KCNT1: variants seen among roughly 807,000 people sequenced by gnomAD.
The protein encoded by KCNT1 is potassium channel subfamily T member 1.
Under a neutral mutation model 147.8 loss-of-function variants are expected in KCNT1, and 78 were observed. That is an observed-to-expected ratio of 0.53 (90% CI 0.44 to 0.64). The LOEUF (loss-of-function observed/expected upper bound fraction) is 0.64. Ranked by LOEUF, KCNT1 falls within the 30% of genes least tolerant of loss-of-function variation. The probability of loss-of-function intolerance (pLI) is 0.00; values close to 1 mark genes in which losing one functional copy is unlikely to be tolerated. For synonymous variants in KCNT1, 867 were observed against 748.8 expected, an observed-to-expected ratio of 1.16 and a Z score of -2.58; for missense variants, 1,419 against 1,750.3, an observed-to-expected ratio of 0.81 and a Z score of 3.38.
chr9:135,764,422 G>A (rs369115515), intron 11 of KCNT1, among the ~76,000 whole-genome samples: 163 of 152,268 alleles, frequency 1.1e-3, no homozygotes, highest in African/African-American at 3.4e-3. Context: ...ATTGCACCAC[G>A]GCACTCCAGC....
At chr9:135,762,784 C>T (rs1832000758) in intron 11 of KCNT1, among the ~76,000 whole-genome samples, 1 of 152,188 alleles carries the variant, frequency 6.6e-6, no homozygotes, top group Non-Finnish European at 1.5e-5. Context: ...CAAGGTGACT[C>T]CAGGTGCACC....
At chr9:135,743,010 C>G (rs1187482017) in intron 2 of KCNT1, among the ~76,000 whole-genome samples, 2 of 152,136 alleles carry the variant, frequency 1.3e-5, no homozygotes, top group Non-Finnish European at 2.9e-5. Flanking sequence ...AGTGTGCCCC[C>G]TTGGAGAGGA....
intron 2 of KCNT1, among the ~76,000 whole-genome samples, chr9:135,740,024 G>A (rs1026719659): frequency 5.9e-5 from 9 of 152,068 alleles, no homozygotes; most frequent in African/African-American, 1.9e-4. Context: ...CCCTTGGCTC[G>A]TAGACACCAT....
intron 13 of KCNT1, 92 bp from the exon 14 acceptor site, chr9:135,768,518 C>T (rs1832492770): frequency 5.4e-6 from 5 of 926,898 alleles, no homozygotes; most frequent in Non-Finnish European, 8.4e-6. Flanking sequence ...AGCCTCCTCC[C>T]AGAGGAGGTC....
rs537124614 is a variant in KCNT1, at chr9:135,742,425, G to A, written c.255-7673G>A. The stretch of plus-strand genomic sequence containing the variant: ...AAGGGTGGCCCTCTCCTCGAGTGTG[G>A]TTGTCACCCCCCCATCTGGCCCAGG... On this transcript the variant is annotated intron_variant, in intron 2 of 30. Transcript: ENST00000371757. Among the ~76,000 whole-genome samples, 320 of 152,320 alleles carry A rather than the reference G, an allele frequency of 2.1e-3. 1 individual carries two copies. The highest frequency in any genetic ancestry group is 7.3e-3 in the African/African-American group (305 of 41,578).
intron 22 of KCNT1, 96 bp downstream of exon 22, chr9:135,778,591 G>A (rs1260411555): frequency 1.7e-5 from 27 of 1,600,750 alleles, no homozygotes; most frequent in African/African-American, 4.0e-5. Context: ...GGTGGGGTGG[G>A]GGGCTGAGGT....
chr9:135,777,191 C>T (rs1364206002), intron 20 of KCNT1, 147 bp from the exon 21 acceptor site: 9 of 774,226 alleles, frequency 1.2e-5, no homozygotes, highest in African/African-American at 3.5e-5. Flanking sequence ...TCCCCACAGG[C>T]GTGTGCAGGC....
At chr9:135,743,553 A>G (rs1459936750) in intron 2 of KCNT1, among the ~76,000 whole-genome samples, 1 of 152,176 alleles carries the variant, frequency 6.6e-6, no homozygotes, top group African/African-American at 2.4e-5. Context: ...CCGGACCTCT[A>G]TCTTCCCAGC....
intron 18 of KCNT1, 143 bp downstream of exon 18, chr9:135,771,238 A>G: frequency 1.3e-6 from 1 of 740,922 alleles, no homozygotes; most frequent in African/African-American, 1.8e-5. Context: ...ACCAGGCAGG[A>G]CAGGGGCAGG....
intron 19 of KCNT1, among the ~76,000 whole-genome samples, chr9:135,774,889 C>G (rs943119878): frequency 6.6e-6 from 1 of 152,120 alleles, no homozygotes; most frequent in African/African-American, 2.4e-5. Flanking sequence ...AGTGAGGGCC[C>G]TACCCACCCC....
rs559843478 is a variant in KCNT1 at position 135,760,427 on chromosome 9, C to G, written c.1035+568C>G. On this transcript the variant is annotated intron_variant, in intron 11 of 30. Transcript: ENST00000371757. ...ACCTCCTCCAGGCACCCCAGCCCAC[C>G]CTGGAGGGACCCTGCTATTGGGGAG... Among the ~76,000 whole-genome samples the G allele has an allele frequency of 5.1e-4, 78 of 152,316 alleles. No individual in the cohort carries two copies. The Middle Eastern group carries it at 0.017, about 33-fold the overall frequency.
chr9:135,743,608 C>T (rs1040010385), intron 2 of KCNT1, among the ~76,000 whole-genome samples: 5 of 152,326 alleles, frequency 3.3e-5, no homozygotes, highest in Middle Eastern at 3.4e-3. Context: ...AGATAGAAGC[C>T]GTGCCCACCA....
At chr9:135,712,662 G>A (rs1362770431) in intron 1 of KCNT1, among the ~76,000 whole-genome samples, 1 of 152,178 alleles carries the variant, frequency 6.6e-6, no homozygotes, top group African/African-American at 2.4e-5. Flanking sequence ...GTCCTCCTGC[G>A]ATGGGCCCCT....
intron 2 of KCNT1, among the ~76,000 whole-genome samples, chr9:135,732,458 C>G (rs561019966): frequency 6.6e-6 from 1 of 152,186 alleles, no homozygotes; most frequent in Non-Finnish European, 1.5e-5. Context: ...AGCCAGCCAT[C>G]TGTGTCTATA....
chr9:135,788,287 T>C, intron 29 of KCNT1: 2 of 831,732 alleles, frequency 2.4e-6, no homozygotes, highest in Middle Eastern at 2.9e-4. Flanking sequence ...ACGTCCCAGG[T>C]GTCAGCCCAG....
At chr9:135,731,109 C>T (rs74381236) in intron 2 of KCNT1, among the ~76,000 whole-genome samples, 2,436 of 152,166 alleles carry the variant, frequency 0.016, 18 homozygotes, top group Non-Finnish European at 0.022. Flanking sequence ...GAGATCCCAC[C>T]GCCTCCACTT....
At chr9:135,734,613 C>T (rs1830259497) in intron 2 of KCNT1, among the ~76,000 whole-genome samples, 1 of 152,188 alleles carries the variant, frequency 6.6e-6, no homozygotes, top group African/African-American at 2.4e-5. Flanking sequence ...TCATCCTGTA[C>T]TTCAAAGGCC....
intron 2 of KCNT1, among the ~76,000 whole-genome samples, chr9:135,731,979 TATATATATATATAGAGAGAG>T (rs1394066111): frequency 8.1e-4 from 23 of 28,226 alleles, no homozygotes; most frequent in Non-Finnish European, 9.7e-4. Context: ...TATATATATA[TATATATATATATAGAGAGAG>T]AGAGAGAGAG....
chr9:135,788,084 T>A (rs1395700514), intron 29 of KCNT1: 1 of 1,588,252 alleles, frequency 6.3e-7, no homozygotes, highest in African/African-American at 1.3e-5. Flanking sequence ...TGTGCCTCTT[T>A]CTGTGTGTTC....
Sources: allele counts gnomAD v4.1 joint callset (sites outside exome capture counted in the v4.1 genomes callset), GRCh38; gene constraint gnomAD v4.1.1; transcripts MANE v1.5; gene names NCBI Gene and HGNC (gene_info 2026-07-23, HGNC 2026-07-21).